The following RGS12 variants were observed in gnomAD, a reference collection of about 807,000 sequenced individuals.
The protein encoded by RGS12 is regulator of G protein signaling 12.
A neutral mutation model predicts 120.1 loss-of-function variants in RGS12; 66 were observed. The observed-to-expected ratio is 0.55, with a 90% CI of 0.45 to 0.67. The LOEUF is 0.67. RGS12 is among the 30% of genes least tolerant of loss of function. The pLI is 0.00. For missense variants in RGS12, 1,859 were observed against 1,957.7 expected (o/e 0.95, Z 0.95); for synonymous variants, 827 against 804.7 (o/e 1.03, Z -0.47).
intron 2 of RGS12, among the ~76,000 whole-genome samples, chr4:3,342,113 T>C (rs1713296821): frequency 6.6e-6 from 1 of 151,852 alleles, no homozygotes; most frequent in Non-Finnish European, 1.5e-5. Context: ...GTGGCAAGGT[T>C]TTCTACAAGA....
chr4:3,354,522 G>A lies in RGS12; in HGVS notation c.1998+11469G>A, dbSNP rs930378512. 5.9e-5 allele frequency among the ~76,000 whole-genome samples: 9 copies of A among 152,316 alleles called. No homozygotes were observed. In the South Asian group the frequency reaches 1.0e-3, roughly 18 times the overall value. On this transcript the variant is annotated intron_variant, in intron 3 of 17. Coordinates refer to ENST00000336727, the MANE Select transcript of RGS12 (RefSeq NM_001394154.1). ...ACCTGGGCATTACATGTGCTGGACC[G>A]TAAAGCAAGTCTCAAAAATATTCAA...
At chr4:3,411,360 C>T (rs1307414132) in intron 4 of RGS12, among the ~76,000 whole-genome samples, 1 of 152,130 alleles carries the variant, frequency 6.6e-6, no homozygotes, top group Non-Finnish European at 1.5e-5. Flanking sequence ...TCTGGCTCTG[C>T]GTGTTCGGGA....
chr4:3,428,684 C>A lies in RGS12; in HGVS notation c.3538C>A (p.Gln1180Lys). ...SIAKIGKKKY[Q>K]KINLDEAEEF... ...TGCAAAGATTGGGAAAAAAAAATAT[C>A]AGAAAATTAATTTGGACGAAGCAGA... The change falls in exon 16 of 18, where the codon CAG (glutamine) becomes AAG (lysine). Residue 1180 changes from glutamine (Q) to lysine (K), a missense_variant. Coordinates refer to ENST00000336727, the MANE Select transcript of RGS12 (RefSeq NM_001394154.1). The A allele has an allele frequency of 1.9e-6, 3 of 1,594,914 alleles. No homozygotes were observed.
chr4:3,373,057 G>C (rs555283738), intron 3 of RGS12, among the ~76,000 whole-genome samples: 1 of 152,190 alleles, frequency 6.6e-6, no homozygotes, highest in Non-Finnish European at 1.5e-5. Context: ...ACCTGGCAGC[G>C]AGGCTCGAGG....
chr4:3,415,120 C>T (rs1182300883), intron 6 of RGS12, among the ~76,000 whole-genome samples: 13 of 79,162 alleles, frequency 1.6e-4, no homozygotes, highest in African/African-American at 6.9e-4. Flanking sequence ...GTGAGAGGGC[C>T]GCGTGTGTGT....
chr4:3,301,589 C>T (rs933311766), intron 1 of RGS12, among the ~76,000 whole-genome samples: 2 of 151,084 alleles, frequency 1.3e-5, no homozygotes, highest in African/African-American at 2.4e-5. Context: ...GGCCGGGGTC[C>T]GAGGGCCGGG....
At chr4:3,344,077 T>C (rs909715501) in intron 3 of RGS12, among the ~76,000 whole-genome samples, 7 of 152,084 alleles carry the variant, frequency 4.6e-5, no homozygotes, top group Non-Finnish European at 8.8e-5. Context: ...GGCGAGAGTG[T>C]TCTTAGCTGG....
At chr4:3,411,317 T>C (rs1436673863) in intron 4 of RGS12, among the ~76,000 whole-genome samples, 1 of 152,072 alleles carries the variant, frequency 6.6e-6, no homozygotes, top group African/African-American at 2.4e-5. Context: ...GTGTTCGGGA[T>C]TGTGGTCTGT....
chr4:3,363,958 A>G (rs1018023397), intron 3 of RGS12, among the ~76,000 whole-genome samples: 1 of 152,164 alleles, frequency 6.6e-6, no homozygotes, highest in South Asian at 2.1e-4. Context: ...TGCAGAAGCC[A>G]TGCTGCCGGA....
At chr4:3,371,191 C>A (rs183723984) in intron 3 of RGS12, among the ~76,000 whole-genome samples, 60 of 152,314 alleles carry the variant, frequency 3.9e-4, no homozygotes, top group Admixed American at 7.2e-4. Context: ...AATCAACCGG[C>A]TTTCTGTGCA....
At chr4:3,353,439 A>G (rs1714563433) in intron 3 of RGS12, among the ~76,000 whole-genome samples, 1 of 152,176 alleles carries the variant, frequency 6.6e-6, no homozygotes, top group South Asian at 2.1e-4. Context: ...CACTGTCATC[A>G]CCGTGATCCA....
At chr4:3,417,613 T>A in intron 9 of RGS12, 72 bp downstream of exon 9, 1 of 1,538,748 alleles carries the variant, frequency 6.5e-7, no homozygotes, top group Non-Finnish European at 8.9e-7. Context: ...GTCGCTCTGG[T>A]GGTTGGCGGT....
chr4:3,323,405 G>T (rs1725337259), intron 2 of RGS12, among the ~76,000 whole-genome samples: 1 of 152,230 alleles, frequency 6.6e-6, no homozygotes, highest in Admixed American at 6.5e-5. Context: ...GCGGGGAGCT[G>T]CAGTTCAGAG....
At chr4:3,432,701 C>G (rs1471855043) in intron 17 of RGS12, among the ~76,000 whole-genome samples, 1 of 152,234 alleles carries the variant, frequency 6.6e-6, no homozygotes, top group Admixed American at 6.5e-5. Flanking sequence ...GGTCCCCCTG[C>G]GCTCTGGTGG....
At chr4:3,401,744 A>G (rs142708434) in intron 4 of RGS12, among the ~76,000 whole-genome samples, 1 of 152,382 alleles carries the variant, frequency 6.6e-6, no homozygotes, top group Non-Finnish European at 1.5e-5. Context: ...ACAGCTTGCC[A>G]TAGAGCAGAC....
chr4:3,409,281 C>T (rs1163332456), intron 4 of RGS12, among the ~76,000 whole-genome samples: 3 of 152,204 alleles, frequency 2.0e-5, no homozygotes, highest in Non-Finnish European at 4.4e-5. Context: ...ATTCCCTGGG[C>T]GGGCACACCA....
chr4:3,358,662 A>G (rs1363329045), intron 3 of RGS12, among the ~76,000 whole-genome samples: 1 of 152,062 alleles, frequency 6.6e-6, no homozygotes, highest in Non-Finnish European at 1.5e-5. Context: ...TTACCCTTGC[A>G]TTATAGGAAT....
At chr4:3,424,559 C>G (rs1319317423) in intron 13 of RGS12, among the ~76,000 whole-genome samples, 1 of 152,226 alleles carries the variant, frequency 6.6e-6, no homozygotes, top group East Asian at 1.9e-4. Context: ...CACAGTTTCC[C>G]TGACTGTAAA....
At chr4:3,339,509 T>C (rs545502431) in intron 2 of RGS12, among the ~76,000 whole-genome samples, 447 of 152,242 alleles carry the variant, frequency 2.9e-3, no homozygotes, top group African/African-American at 9.5e-3. Context: ...AACTCTCTTA[T>C]CACTGTCCAT....
Sources: allele counts gnomAD v4.1 joint callset (sites outside exome capture counted in the v4.1 genomes callset), GRCh38; gene constraint gnomAD v4.1.1; transcripts MANE v1.5; gene names NCBI Gene and HGNC (gene_info 2026-07-23, HGNC 2026-07-21).